Variants in UGT1A4 observed in about 807,000 individuals in gnomAD.
UGT1A4 encodes the protein UDP glucuronosyltransferase family 1 member A4.
Under a neutral mutation model 41.1 loss-of-function variants are expected in UGT1A4, and 32 were observed. The ratio of observed to expected loss-of-function variants is 0.78; its 90% CI spans 0.59 to 1.05. UGT1A4 has a LOEUF of 1.05. Among genes scored for constraint, UGT1A4 ranks in the 50% least tolerant of loss-of-function variants. The probability of loss-of-function intolerance (pLI) is 0.00; values close to 1 mark genes in which losing one functional copy is unlikely to be tolerated. For synonymous variants in UGT1A4, 283 were observed against 265.1 expected, an observed-to-expected ratio of 1.07 and a Z score of -0.66; for missense variants, 748 against 677.4, an observed-to-expected ratio of 1.10 and a Z score of -1.16.
At chr2:233,768,114 G>T in intron 3 of UGT1A4, 106 bp from the exon 4 acceptor site, 2 of 1,597,766 alleles carry the variant, frequency 1.3e-6, no homozygotes. Flanking sequence ...TTCTGCAAGG[G>T]CATGTGAGTA....
chr2:233,736,616 C>T (rs1448370829), intron 1 of UGT1A4, among the ~76,000 whole-genome samples: 1 of 152,208 alleles, frequency 6.6e-6, no homozygotes, highest in Non-Finnish European at 1.5e-5. Flanking sequence ...TTAGAATTTT[C>T]AGCTTTTCTG....
At chr2:233,760,161 T>G (rs768792415) in intron 1 of UGT1A4, 27 of 1,512,160 alleles carry the variant, frequency 1.8e-5, no homozygotes, top group Non-Finnish European at 2.3e-5. Context: ...CCTGCTACCT[T>G]TGTGGACTGA....
intron 1 of UGT1A4, among the ~76,000 whole-genome samples, chr2:233,722,230 A>G (rs868083923): frequency 2.0e-5 from 3 of 152,346 alleles, no homozygotes; most frequent in Middle Eastern, 3.4e-3. Context: ...CAAAATCTTT[A>G]TCATGTATTA....
chr2:233,725,380 C>A (rs2077441850), intron 1 of UGT1A4, among the ~76,000 whole-genome samples: 1 of 149,278 alleles, frequency 6.7e-6, no homozygotes, highest in East Asian at 1.9e-4. Context: ...TTAAAAAATT[C>A]TTAATAGGTT....
intron 1 of UGT1A4, among the ~76,000 whole-genome samples, chr2:233,746,603 T>C (rs1036013853): frequency 3.3e-5 from 5 of 151,768 alleles, no homozygotes; most frequent in Non-Finnish European, 5.9e-5. Context: ...TTGTCTCTGT[T>C]CACCTGACCC....
intron 1 of UGT1A4, among the ~76,000 whole-genome samples, chr2:233,759,210 T>C (rs1169742751): frequency 6.6e-6 from 1 of 152,134 alleles, no homozygotes; most frequent in African/African-American, 2.4e-5. Context: ...CCCAATCAGG[T>C]CCATTTATGC....
At position 233,772,877 on chromosome 2, in the gene UGT1A4, G is replaced by C; in HGVS notation, c.*318G>C. The C allele has an allele frequency of 1.7e-6, 1 of 579,394 alleles. No homozygotes were observed. Among genetic ancestry groups the C allele is most frequent in the South Asian group, 2.3e-5 (1 of 42,896 alleles). The allele number at this position is 579,394 out of a possible 1,614,324, so 35.9% of individuals were successfully genotyped here. ...TGAAACATGGCCTGTTTGGGAGTGC[G>C]GGATTCAAAGGTGGTCCCACGGCTG... On this transcript the variant is annotated 3_prime_UTR_variant, in exon 5 of 5. Coordinates refer to ENST00000373409, the MANE Select transcript of UGT1A4 (RefSeq NM_007120.3).
At position 233,768,260 on chromosome 2, in the gene UGT1A4, C is replaced by T; in HGVS notation, c.1128C>T (p.Ser376=). The T allele has an allele frequency of 6.2e-7, 1 of 1,614,136 alleles. No individual in the cohort carries two copies. Among genetic ancestry groups the T allele is most frequent in the Non-Finnish European group, 8.5e-7 (1 of 1,180,024 alleles). The change falls in exon 4 of 5, where the codon TCC becomes TCT. Residue 376 remains serine, a synonymous_variant. Transcript: ENST00000373409. ...MTRAFITHAG[S]HGVYESICNG... Reference sequence around the variant, plus strand: ...GTGCCTTTATCACCCATGCTGGTTCCCATGGTGTTTATGAAAGCATATGCA... The same window carrying T: ...GTGCCTTTATCACCCATGCTGGTTCTCATGGTGTTTATGAAAGCATATGCA...
At chr2:233,756,295 G>A (rs1165667347) in intron 1 of UGT1A4, 3 of 152,134 alleles carry the variant, frequency 2.0e-5, no homozygotes, top group East Asian at 3.8e-4. Flanking sequence ...CACAGTATTT[G>A]TATATAACCT....
intron 1 of UGT1A4, chr2:233,760,792 G>C (rs1185395607): frequency 6.2e-7 from 1 of 1,613,510 alleles, no homozygotes. Flanking sequence ...TCTGCCCACT[G>C]TATTCTTCTT....
chr2:233,721,185 A>G (rs759923829), intron 1 of UGT1A4, among the ~76,000 whole-genome samples: 2 of 152,206 alleles, frequency 1.3e-5, no homozygotes, highest in Non-Finnish European at 2.9e-5. Flanking sequence ...TCAAACCACA[A>G]GATATTTGTT....
rs767620587 is a variant in UGT1A4, at chr2:233,754,884, G to C, written c.868-12150G>C. 5.9e-6 allele frequency: 8 copies of C among 1,350,598 alleles called. No homozygotes were observed. In the Admixed American group the frequency reaches 7.6e-5, roughly 13 times the overall value. The allele number at this position is 1,350,598 out of a possible 1,614,324, so 83.7% of individuals were successfully genotyped here. A position where few individuals can be genotyped will look rare whatever the true frequency, so the allele number is the denominator to read the frequency against. ...AGACCCTCTGCTTCTGCTTCCCAGG[G>C]AGTTCCTCTGACCCCCCAAAATATT... On this transcript the variant is annotated intron_variant, in intron 1 of 4. Coordinates refer to ENST00000373409, the MANE Select transcript of UGT1A4 (RefSeq NM_007120.3).
chr2:233,759,820 G>A (rs554010923), intron 1 of UGT1A4, among the ~76,000 whole-genome samples: 9 of 152,316 alleles, frequency 5.9e-5, no homozygotes, highest in East Asian at 1.9e-4. Context: ...AGTACCGGGG[G>A]AGCTGTGGAG....
At chr2:233,724,917 C>T (rs1223036071) in intron 1 of UGT1A4, among the ~76,000 whole-genome samples, 1 of 141,476 alleles carries the variant, frequency 7.1e-6, no homozygotes, top group Non-Finnish European at 1.5e-5. Flanking sequence ...CCATTGAGCA[C>T]TGAGTGAACG....
chr2:233,729,623 C>G (rs142986334), intron 1 of UGT1A4: 41 of 1,613,794 alleles, frequency 2.5e-5, no homozygotes, highest in Admixed American at 2.3e-4. Flanking sequence ...AAGTACCTGT[C>G]GATTCCTACT....
intron 1 of UGT1A4, among the ~76,000 whole-genome samples, chr2:233,723,515 T>A (rs1475684057): frequency 9.4e-6 from 1 of 106,756 alleles, no homozygotes; most frequent in Admixed American, 9.1e-5. Flanking sequence ...TGGTCAACAA[T>A]CTTTTTTTTT....
intron 1 of UGT1A4, chr2:233,743,961 G>C (rs1220735729): frequency 1.5e-6 from 2 of 1,333,366 alleles, no homozygotes; most frequent in East Asian, 4.6e-5. Context: ...ACAGCGAGCG[G>C]CAAGGCTGCC....
chr2:233,746,345 T>C (rs887408714), intron 1 of UGT1A4, among the ~76,000 whole-genome samples: 14 of 151,796 alleles, frequency 9.2e-5, no homozygotes, highest in African/African-American at 1.7e-4. Context: ...GACATGTTTA[T>C]GTTGCTCCTT....
At chr2:233,750,188 A>G (rs1694384114) in intron 1 of UGT1A4, among the ~76,000 whole-genome samples, 1 of 151,886 alleles carries the variant, frequency 6.6e-6, no homozygotes, top group Non-Finnish European at 1.5e-5. Context: ...AATGTTGTGG[A>G]CAATGAAGTC....
Sources: gnomAD v4.1 joint callset for allele counts (sites outside exome capture counted in the v4.1 genomes callset) on GRCh38, gnomAD v4.1.1 for gene constraint, MANE v1.5 for transcripts, NCBI Gene and HGNC (gene_info 2026-07-23, HGNC 2026-07-21) for gene names.